The following LIG1 variants were observed in gnomAD, a reference collection of about 807,000 sequenced individuals.
LIG1 encodes DNA ligase 1.
In LIG1, 70 loss-of-function variants were observed where a neutral mutation model predicts 115.7. The ratio of observed to expected loss-of-function variants is 0.60; its 90% confidence interval spans 0.50 to 0.74. The LOEUF is 0.74. Among genes scored for constraint, LIG1 ranks in the 30% least tolerant of loss-of-function variants. LIG1 has a pLI of 0.00. For synonymous variants in LIG1, 487 were observed against 495.3 expected (o/e 0.98, Z 0.22); for missense variants, 1,115 against 1,225.6 (o/e 0.91, Z 1.35).
chr19:48,139,286 G>C (rs2034586755), intron 12 of LIG1, among the ~76,000 whole-genome samples: 1 of 152,218 alleles, frequency 6.6e-6, no homozygotes, highest in Admixed American at 6.5e-5. Context: ...AGGGTCCCAA[G>C]CTGCCGACGG....
chr19:48,134,708 A>C (rs1295964163), intron 16 of LIG1, among the ~76,000 whole-genome samples: 1 of 152,242 alleles, frequency 6.6e-6, no homozygotes, highest in African/African-American at 2.4e-5. Context: ...CCACCTACAA[A>C]GATTTTGATG....
At chr19:48,117,180 G>A (rs896976271) in intron 26 of LIG1, among the ~76,000 whole-genome samples, 3 of 151,496 alleles carry the variant, frequency 2.0e-5, no homozygotes, top group Non-Finnish European at 2.9e-5. Flanking sequence ...CTTTTTTTGA[G>A]ACAGAGTCTT....
chr19:48,161,352 G>A lies in LIG1; in HGVS notation c.243+20C>T, dbSNP rs1212569198. On this transcript the variant is annotated intron_variant, in intron 4 of 27. Coordinates refer to ENST00000263274, the MANE Select transcript of LIG1 (RefSeq NM_000234.3). The stretch of plus-strand genomic sequence containing the variant: ...AATTAGTTTCTTCTGGTAAAAATGG[G>A]CAGGGTGATGGGGACCTACCTGGCC... The A allele has an allele frequency of 2.4e-5, 39 of 1,613,980 alleles. No homozygotes were observed. Among genetic ancestry groups the A allele is most frequent in the Non-Finnish European group, 3.1e-5 (37 of 1,179,974 alleles).
intron 9 of LIG1, among the ~76,000 whole-genome samples, chr19:48,146,333 G>C (rs1402775957): frequency 1.6e-4 from 25 of 152,188 alleles, no homozygotes; most frequent in Admixed American, 1.6e-3. Flanking sequence ...AGAAATTAAA[G>C]GGGTTTGGAA....
At chr19:48,159,706 CTTATTTAT>C (rs545767355) in intron 4 of LIG1, among the ~76,000 whole-genome samples, 8 of 145,988 alleles carry the variant, frequency 5.5e-5, no homozygotes, top group African/African-American at 1.3e-4. Context: ...ATGCCACTTG[CTTATTTAT>C]TTATTTATTT....
intron 5 of LIG1, 195 bp from the exon 6 acceptor site, chr19:48,154,162 G>GT (rs1217406354): frequency 1.6e-6 from 1 of 622,500 alleles, no homozygotes; most frequent in Non-Finnish European, 2.9e-6. Context: ...CCTTGGGCAG[G>GT]TTACTTAATT....
chr19:48,115,614 C>T lies in LIG1; in HGVS notation c.*35G>A, dbSNP rs1353831976. The T allele has an allele frequency of 4.0e-6, 6 of 1,490,036 alleles. No homozygotes were observed. Among genetic ancestry groups the T allele is most frequent in the African/African-American group, 1.4e-5 (1 of 72,336 alleles). 92.3% of individuals were successfully genotyped at this position (1,490,036 alleles called of 1,614,324 possible). Reference sequence around the variant, plus strand: ...TAATAACCCTGGGGTCCGTCCAACTCATGCCCTGTACCCAGGCCCTAGGAG... The same window carrying T: ...TAATAACCCTGGGGTCCGTCCAACTTATGCCCTGTACCCAGGCCCTAGGAG... On this transcript the variant is annotated 3_prime_UTR_variant, in exon 28 of 28. Coordinates refer to ENST00000263274, the MANE Select transcript of LIG1 (RefSeq NM_000234.3).
chr19:48,127,883 G>T, intron 20 of LIG1, 27 bp downstream of exon 20: 1 of 1,553,928 alleles, frequency 6.4e-7, no homozygotes, highest in Non-Finnish European at 8.9e-7. Flanking sequence ...ACGGGGCCTT[G>T]GCAGGCAGTG....
intron 24 of LIG1, chr19:48,120,818 A>G: frequency 1.6e-6 from 1 of 634,808 alleles, no homozygotes; most frequent in Non-Finnish European, 2.1e-6. Context: ...GTGGGGACAA[A>G]AAAAAATGTG....
chr19:48,123,100 G>A, intron 22 of LIG1, 74 bp downstream of exon 22: 1 of 1,612,368 alleles, frequency 6.2e-7, no homozygotes, highest in African/African-American at 1.3e-5. Context: ...AAACGGTCCA[G>A]GACTGGGGAC....
At chr19:48,162,120 T>A (rs1228687112) in intron 3 of LIG1, 142 bp downstream of exon 3, 5 of 748,534 alleles carry the variant, frequency 6.7e-6, no homozygotes, top group Middle Eastern at 2.6e-4. Flanking sequence ...CTGCAGCTGC[T>A]CTTGCTCTTG....
chr19:48,169,911 T>TGCCCCC (rs35030999), intron 1 of LIG1: 1 of 79,996 alleles, frequency 1.3e-5, no homozygotes, highest in Non-Finnish European at 2.4e-5. Flanking sequence ...CACACAGTTT[T>TGCCCCC]CCCCCCCCCG....
At position 48,122,694 on chromosome 19, in the gene LIG1, G is replaced by T. The variant is rs1417374560; in HGVS notation, c.2232+240C>A. On this transcript the variant is annotated intron_variant, in intron 23 of 27. Coordinates refer to ENST00000263274, the MANE Select transcript of LIG1 (RefSeq NM_000234.3). This position sits in a 1 kb window ranked among gnomAD's most constrained non-coding sequence, Gnocchi z 4.3. ...GCTCAGGAGAGAGACACCTCATCACGCTGCACCTCGTGGGATGTGCGGTGC... is the reference window on the plus strand; with the variant it reads ...GCTCAGGAGAGAGACACCTCATCACTCTGCACCTCGTGGGATGTGCGGTGC... Among the ~76,000 whole-genome samples, 1 of 152,174 alleles carries T rather than the reference G, an allele frequency of 6.6e-6. No individual in the cohort carries two copies. The highest frequency in any genetic ancestry group is 1.5e-5 in the Non-Finnish European group (1 of 68,028).
intron 5 of LIG1, among the ~76,000 whole-genome samples, chr19:48,155,442 AATGC>A: frequency 1.3e-5 from 2 of 152,098 alleles, no homozygotes; most frequent in South Asian, 4.2e-4. Context: ...TCTTGTCTGA[AATGC>A]ATGCATCTGT....
In LIG1 at chr19:48,143,452, G is replaced by A; in HGVS notation, c.914+91C>T. The A allele has an allele frequency of 2.5e-6, 3 of 1,182,790 alleles. No individual in the cohort carries two copies. The Admixed American group carries it at 5.1e-5, about 20-fold the overall frequency. 73.3% of individuals were successfully genotyped at this position (1,182,790 alleles called of 1,614,324 possible). A position where few individuals can be genotyped will look rare whatever the true frequency, so the allele number is the denominator to read the frequency against. On this transcript the variant is annotated intron_variant, in intron 11 of 27. Coordinates refer to ENST00000263274, the MANE Select transcript of LIG1 (RefSeq NM_000234.3). ...GCGGGGTCAGAGGCCAAGTTGACAG[G>A]GTTTGGCGGAACAAGGCAGCACAGA... is the stretch of plus-strand genomic sequence containing the variant.
chr19:48,127,275 A>T lies in LIG1; in HGVS notation c.2004+2T>A, dbSNP rs1306882188. The T allele has an allele frequency of 1.2e-6, 2 of 1,612,990 alleles. No homozygotes were observed. Among genetic ancestry groups the T allele is most frequent in the Admixed American group, 3.3e-5 (2 of 59,992 alleles). On this transcript the variant is annotated splice_donor_variant, in intron 21 of 27. Transcript: ENST00000263274. LOFTEE classifies it high-confidence loss of function. The stretch of plus-strand genomic sequence containing the variant: ...GCCCCTGGACAGGAAGCTGGAACTC[A>T]CCTCTCCATTGAGGTAGATGAGGTC...
intron 21 of LIG1, among the ~76,000 whole-genome samples, chr19:48,125,683 T>C (rs2033617187): frequency 6.6e-6 from 1 of 152,192 alleles, no homozygotes. Flanking sequence ...TCGTGGTTCA[T>C]CTACCAGATG....
intron 11 of LIG1, among the ~76,000 whole-genome samples, chr19:48,142,598 C>T (rs950631099): frequency 2.6e-5 from 4 of 151,982 alleles, no homozygotes; most frequent in African/African-American, 9.7e-5. Flanking sequence ...CATGTGGAAA[C>T]GGGTTTGATA....
rs561137392 is a variant in LIG1 at position 48,142,442 on chromosome 19, C to CA, written c.914+1100dup. Among the ~76,000 whole-genome samples the CA allele has an allele frequency of 5.0e-3, 381 of 75,580 alleles. 31 individuals are homozygous for CA. Among genetic ancestry groups the CA allele is most frequent in the East Asian group, 0.011 (17 of 1,566 alleles). 49.6% of individuals were successfully genotyped at this position (75,580 alleles called of 152,430 possible). On this transcript the variant is annotated intron_variant, in intron 11 of 27. Transcript: ENST00000263274. ...TGGGCAACAGAGCAAGACTCCATCT[C>CA]AAAAAAAAAAAAAAACAGAGTGCTG...
Sources: allele counts gnomAD v4.1 joint callset (sites outside exome capture counted in the v4.1 genomes callset), GRCh38; gene constraint gnomAD v4.1.1; non-coding constraint Gnocchi (gnomAD v3.1); transcripts MANE v1.5; gene names NCBI Gene and HGNC (gene_info 2026-07-23, HGNC 2026-07-21).